SPTLC1: variants seen among roughly 807,000 people sequenced by gnomAD.
SPTLC1 encodes the protein serine palmitoyltransferase long chain base subunit 1.
SPTLC1 carries 55 observed loss-of-function variants against 68.9 expected under a neutral mutation model. The ratio of observed to expected loss-of-function variants is 0.80; its 90% CI spans 0.64 to 1.00. The LOEUF (loss-of-function observed/expected upper bound fraction) is 1.00. SPTLC1 is among the 50% of genes least tolerant of loss of function. The pLI is 0.00. For missense variants in SPTLC1, 449 were observed against 573.1 expected, an observed-to-expected ratio of 0.78 and a Z score of 2.21; for synonymous variants, 197 against 201.6, an observed-to-expected ratio of 0.98 and a Z score of 0.19.
chr9:92,095,091 C>T (rs564506631), intron 3 of SPTLC1, among the ~76,000 whole-genome samples: 2 of 151,936 alleles, frequency 1.3e-5, no homozygotes, highest in South Asian at 2.1e-4. Context: ...ACAGAACCTT[C>T]GCTAATCAAA....
chr9:92,114,162 C>A (rs1002870125), intron 1 of SPTLC1, among the ~76,000 whole-genome samples: 7 of 151,682 alleles, frequency 4.6e-5, no homozygotes, highest in African/African-American at 7.3e-5. Flanking sequence ...CCCAGCTACT[C>A]GGGAGTCTGA....
At chr9:92,038,579 G>T in intron 12 of SPTLC1, 1 of 577,336 alleles carries the variant, frequency 1.7e-6, no homozygotes, top group Admixed American at 2.5e-5. Context: ...CTGCAATGTG[G>T]CTTCCTGAGT....
rs199857652 is a variant in SPTLC1 at position 92,093,272 on chromosome 9, C to A, written c.261-12309G>T. Among the ~76,000 whole-genome samples, 69 of 152,220 alleles carry A rather than the reference C, an allele frequency of 4.5e-4. No homozygotes were observed. The East Asian group carries it at 0.012, about 27-fold the overall frequency. On this transcript the variant is annotated intron_variant, in intron 3 of 14. Coordinates refer to ENST00000262554, the MANE Select transcript of SPTLC1 (RefSeq NM_006415.4). ...ATCTATTTATAAAACTCTTAGAAAA[C>A]TAGATCGGAGGAAATGGTCTCGAAT...
At chr9:92,049,006 A>C (rs1219312380) in intron 9 of SPTLC1, among the ~76,000 whole-genome samples, 3 of 152,336 alleles carry the variant, frequency 2.0e-5, no homozygotes, top group Admixed American at 1.3e-4. Context: ...TGCCTTAAAA[A>C]AGGCTGTAGT....
At chr9:92,049,913 C>T (rs1206664395) in intron 9 of SPTLC1, 47 bp downstream of exon 9, 2 of 1,202,366 alleles carry the variant, frequency 1.7e-6, no homozygotes, top group Admixed American at 1.7e-5. Context: ...AATGGAACTA[C>T]ATGTCTCCTA....
chr9:92,034,568 C>G (rs1480430556), intron 14 of SPTLC1, among the ~76,000 whole-genome samples: 1 of 152,148 alleles, frequency 6.6e-6, no homozygotes, highest in Non-Finnish European at 1.5e-5. Context: ...AAGTTCATTG[C>G]TGGGCTCCCA....
At chr9:92,047,101 T>A (rs775477511) in intron 11 of SPTLC1, 71 bp downstream of exon 11, 129 of 1,285,986 alleles carry the variant, frequency 1.0e-4, no homozygotes, top group Non-Finnish European at 1.4e-4. Context: ...ATTTCTCCAG[T>A]AAGTAAATCA....
chr9:92,077,414 C>T (rs1022973628), intron 5 of SPTLC1, among the ~76,000 whole-genome samples: 3 of 152,108 alleles, frequency 2.0e-5, no homozygotes, highest in African/African-American at 7.2e-5. Context: ...TGGACAGGAC[C>T]TTACCTGGTC....
At chr9:92,113,626 T>G (rs1001037759) in intron 1 of SPTLC1, among the ~76,000 whole-genome samples, 1 of 152,188 alleles carries the variant, frequency 6.6e-6, no homozygotes, top group Non-Finnish European at 1.5e-5. Context: ...ATAAAAAAGA[T>G]CATTCAATTT....
chr9:92,057,623 G>A (rs1278090270), intron 7 of SPTLC1, among the ~76,000 whole-genome samples: 1 of 152,126 alleles, frequency 6.6e-6, no homozygotes, highest in Non-Finnish European at 1.5e-5. Flanking sequence ...ATGAACTACT[G>A]TTCATATCCA....
intron 3 of SPTLC1, among the ~76,000 whole-genome samples, chr9:92,081,310 C>A (rs1215842232): frequency 1.3e-5 from 2 of 151,956 alleles, no homozygotes. Flanking sequence ...TGGAATAAGC[C>A]AAACAGGAAG....
At position 92,072,195 on chromosome 9, in the gene SPTLC1, C is replaced by T. The variant is rs562891767; in HGVS notation, c.428-4097G>A. Among the ~76,000 whole-genome samples the T allele has an allele frequency of 9.2e-5, 14 of 152,306 alleles. 1 individual carries two copies. Among genetic ancestry groups the T allele is most frequent in the African/African-American group, 2.4e-4 (10 of 41,558 alleles). The stretch of plus-strand genomic sequence containing the variant: ...GGAGACCTCTCCCCTATCCTCCCCA[C>T]GCTCTTCCATCAAAGAGACTTCCCT... On this transcript the variant is annotated intron_variant, in intron 5 of 14. Transcript: ENST00000262554.
At chr9:92,072,376 C>T (rs903650439) in intron 5 of SPTLC1, among the ~76,000 whole-genome samples, 5 of 152,142 alleles carry the variant, frequency 3.3e-5, no homozygotes, top group Admixed American at 1.3e-4. Context: ...CAAAATCCAA[C>T]GTTGGTCACG....
chr9:92,092,589 G>T (rs115307821), intron 3 of SPTLC1, among the ~76,000 whole-genome samples: 1 of 152,008 alleles, frequency 6.6e-6, no homozygotes, highest in Non-Finnish European at 1.5e-5. Context: ...TAATAAATTA[G>T]CTGGGCGTGG....
chr9:92,085,867 G>C (rs2118713532), intron 3 of SPTLC1, among the ~76,000 whole-genome samples: 1 of 151,798 alleles, frequency 6.6e-6, no homozygotes, highest in South Asian at 2.1e-4. Context: ...TTATTAATGT[G>C]TGGGAGTCTA....
chr9:92,060,806 G>A lies in SPTLC1; in HGVS notation c.561-1498C>T, dbSNP rs533538307. 1.4e-3 allele frequency among the ~76,000 whole-genome samples: 212 copies of A among 151,494 alleles called. 2 individuals carry two copies. Among genetic ancestry groups the A allele is most frequent in the African/African-American group, 3.8e-3 (159 of 41,334 alleles). On this transcript the variant is annotated intron_variant, in intron 6 of 14. Coordinates refer to ENST00000262554, the MANE Select transcript of SPTLC1 (RefSeq NM_006415.4). ...TGGGTGCCTGTAGTCCGGGTTACTCGGGAGGCTGAGGCAGGAGAATGGTGT... is the reference window on the plus strand; with the variant it reads ...TGGGTGCCTGTAGTCCGGGTTACTCAGGAGGCTGAGGCAGGAGAATGGTGT...
At chr9:92,047,738 C>T (rs1488312643) in intron 9 of SPTLC1, 30 bp from the exon 10 acceptor site, 4 of 1,529,934 alleles carry the variant, frequency 2.6e-6, no homozygotes, top group Non-Finnish European at 3.6e-6. Flanking sequence ...GACAGTTATT[C>T]CACAGTTTAA....
intron 1 of SPTLC1, among the ~76,000 whole-genome samples, chr9:92,112,946 AAAAATAC>A (rs1228117174): frequency 6.6e-6 from 1 of 152,122 alleles, no homozygotes; most frequent in Admixed American, 6.5e-5. Context: ...TGTCTCTATT[AAAAATAC>A]AAAATTAGCT....
In SPTLC1 at chr9:92,084,609, C is replaced by T. The variant is rs1330511922; in HGVS notation, c.261-3646G>A. On this transcript the variant is annotated intron_variant, in intron 3 of 14. Transcript: ENST00000262554. ...ATGAAGCCCACTTGATCATGGTGGA[C>T]AAGCTTTTTGATGTGCTGCTGGATT... Among the ~76,000 whole-genome samples the T allele has an allele frequency of 7.6e-3, 1,153 of 151,686 alleles. 10 individuals are homozygous for T. The highest frequency in any genetic ancestry group is 0.012 in the Non-Finnish European group (831 of 67,844).
Sources: gnomAD v4.1 joint callset for allele counts (sites outside exome capture counted in the v4.1 genomes callset) on GRCh38, gnomAD v4.1.1 for gene constraint, MANE v1.5 for transcripts, NCBI Gene and HGNC (gene_info 2026-07-23, HGNC 2026-07-21) for gene names.